Variants in GLMN observed in about 807,000 individuals in gnomAD.
GLMN encodes the protein glomulin, FKBP associated protein, also known as glomulin.
GLMN carries 75 observed loss-of-function variants against 87.8 expected under a neutral mutation model. The observed-to-expected ratio is 0.85, with a 90% CI of 0.71 to 1.04. The LOEUF (loss-of-function observed/expected upper bound fraction) is 1.04, where lower values mean the gene tolerates loss of function less well. Ranked by LOEUF, GLMN falls within the 50% of genes least tolerant of loss-of-function variation. GLMN has a pLI of 0.00. For synonymous variants in GLMN, 206 were observed against 221.6 expected (o/e 0.93, Z 0.63); for missense variants, 588 against 658.8 (o/e 0.89, Z 1.18).
chr1:92,310,018 C>T, the GLMN span, among the ~76,000 whole-genome samples: 1 of 152,124 alleles, frequency 6.6e-6, no homozygotes, highest in African/African-American at 2.4e-5. Context: ...TAATCCAACC[C>T]CTTCATTAAG....
chr1:92,319,952 C>T, the GLMN span, among the ~76,000 whole-genome samples: 3 of 150,072 alleles, frequency 2.0e-5, no homozygotes, highest in Non-Finnish European at 4.4e-5. Flanking sequence ...GAGCTGTGAT[C>T]ACACCATTGC....
the GLMN span, among the ~76,000 whole-genome samples, chr1:92,370,714 C>T: frequency 2.0e-5 from 3 of 151,534 alleles, no homozygotes; most frequent in East Asian, 1.9e-4. Context: ...TAAAAAAAAA[C>T]ACGGGGGTGG....
At chr1:92,331,619 T>C in the GLMN span, among the ~76,000 whole-genome samples, 1 of 152,202 alleles carries the variant, frequency 6.6e-6, no homozygotes, top group African/African-American at 2.4e-5. Flanking sequence ...TAACTCCATC[T>C]ATCCCTCTTG....
chr1:92,323,220 G>C, the GLMN span, among the ~76,000 whole-genome samples: 8 of 151,306 alleles, frequency 5.3e-5, no homozygotes, highest in East Asian at 9.7e-4. Context: ...AATACAGAAG[G>C]AGAACTATAT....
Position 92,267,951 on chromosome 1 carries a change from G to C in GLMN, c.1060C>G (p.Gln354Glu). ...LRIEDNSLLYQYLEIKSFLTV... is the reference protein window; with the variant it reads ...LRIEDNSLLYEYLEIKSFLTV... ...AGAAAACTCTTGATTTCTAAGTACT[G>C]GTAAAGTAGACTATTGTCTTCTATT... is the stretch of plus-strand genomic sequence containing the variant. Residue 354 changes from glutamine to glutamate, a missense_variant, in exon 11 of 19, where the codon CAG (glutamine) becomes GAG (glutamate). Coordinates refer to ENST00000370360, the MANE Select transcript of GLMN (RefSeq NM_053274.3). The C allele has an allele frequency of 6.4e-7, 1 of 1,552,870 alleles. No homozygotes were observed. The highest frequency in any genetic ancestry group is 8.9e-7 in the Non-Finnish European group (1 of 1,124,482).
In GLMN at chr1:92,246,533, C is replaced by T. The variant is rs762060263; in HGVS notation, c.1782G>A (p.Lys594=). 4 of 1,275,662 alleles carry T rather than the reference C, an allele frequency of 3.1e-6. No individual in the cohort carries two copies. In the South Asian group the frequency reaches 3.6e-5, roughly 11 times the overall value. 79.0% of individuals were successfully genotyped at this position (1,275,662 alleles called of 1,614,324 possible). A position where few individuals can be genotyped will look rare whatever the true frequency, so the allele number is the denominator to read the frequency against. The change falls in exon 19 of 19, where the codon AAG becomes AAA. Residue 594 remains lysine (K), a synonymous_variant. Transcript: ENST00000370360. ...TTTTATTTAGGAAATGGAACTTTCA[C>T]TTTATCCCAATATTTTCTTCAGAGG... is the stretch of plus-strand genomic sequence containing the variant. ...KSTSEENIGI[K]
intron 3 of GLMN, 67 bp from the exon 4 acceptor site, chr1:92,291,604 A>G: frequency 2.8e-5 from 41 of 1,482,712 alleles, no homozygotes; most frequent in Non-Finnish European, 3.8e-5. Context: ...GTGCTTTCCT[A>G]TCTTGGAAGA....
chr1:92,296,815 T>C (rs144782865), intron 3 of GLMN, among the ~76,000 whole-genome samples: 1 of 152,332 alleles, frequency 6.6e-6, no homozygotes, highest in African/African-American at 2.4e-5. Flanking sequence ...CTGTTCTGAT[T>C]CTATGCACAT....
the GLMN span, among the ~76,000 whole-genome samples, chr1:92,304,734 G>A: frequency 6.6e-6 from 1 of 152,150 alleles, no homozygotes; most frequent in East Asian, 1.9e-4. Flanking sequence ...AATTATACTG[G>A]CACAATTAGT....
chr1:92,357,297 A>C, the GLMN span, among the ~76,000 whole-genome samples: 3 of 152,166 alleles, frequency 2.0e-5, no homozygotes, highest in Admixed American at 6.5e-5. Context: ...GTTAAATGCC[A>C]AAAAAGAAAA....
chr1:92,299,271 T>A (rs10875348), upstream of GLMN: 484,756 of 485,362 alleles, frequency 1, 242,082 homozygotes, highest in Middle Eastern at 1. Context: ...CCAGGTAGAG[T>A]AGGCCGAAAG....
chr1:92,331,251 C>A, the GLMN span, among the ~76,000 whole-genome samples: 1 of 152,112 alleles, frequency 6.6e-6, no homozygotes, highest in African/African-American at 2.4e-5. Flanking sequence ...CATTAACATT[C>A]TTGTATTAAT....
intron 7 of GLMN, among the ~76,000 whole-genome samples, chr1:92,276,423 G>A (rs190727986): frequency 6.6e-6 from 1 of 151,956 alleles, no homozygotes; most frequent in African/African-American, 2.4e-5. Flanking sequence ...TACTTTGGGA[G>A]GCCAAAGGCA....
chr1:92,261,382 GAGGTGGGAGGATCTCTTGAGCCC>G (rs1016856258), intron 16 of GLMN, among the ~76,000 whole-genome samples: 2 of 152,204 alleles, frequency 1.3e-5, no homozygotes, highest in African/African-American at 2.4e-5. Context: ...TTGGGAGGCC[GAGGTGGGAGGATCTCTTGAGCCC>G]AGGAGGTCGA....
intron 16 of GLMN, among the ~76,000 whole-genome samples, chr1:92,252,667 TAAG>T (rs1460352393): frequency 6.6e-6 from 1 of 152,150 alleles, no homozygotes; most frequent in Non-Finnish European, 1.5e-5. Flanking sequence ...GCTGTGAGAA[TAAG>T]AATATTTTTT....
At chr1:92,307,492 A>C in the GLMN span, among the ~76,000 whole-genome samples, 27 of 152,304 alleles carry the variant, frequency 1.8e-4, no homozygotes, top group East Asian at 5.0e-3. Flanking sequence ...TTGTTGTTTT[A>C]GCTTTAATTG....
chr1:92,345,865 A>G, the GLMN span: 1 of 1,601,018 alleles, frequency 6.2e-7, no homozygotes, highest in Non-Finnish European at 8.6e-7. Flanking sequence ...TAGAAATATT[A>G]TACACAAACC....
the GLMN span, chr1:92,323,692 T>C: frequency 3.7e-6 from 6 of 1,613,748 alleles, no homozygotes; most frequent in Non-Finnish European, 5.1e-6. Flanking sequence ...CAAAGCTAAC[T>C]CCAAACACAA....
chr1:92,324,387 A>G, the GLMN span: 2 of 1,582,796 alleles, frequency 1.3e-6, no homozygotes, highest in Non-Finnish European at 1.7e-6. Context: ...TATGTCTTAC[A>G]GACATTGAGT....
Sources: gnomAD v4.1 joint callset for allele counts (sites outside exome capture counted in the v4.1 genomes callset) on GRCh38, gnomAD v4.1.1 for gene constraint, MANE v1.5 for transcripts, NCBI Gene and HGNC (gene_info 2026-07-23, HGNC 2026-07-21) for gene names.